TECTA: variants seen among roughly 807,000 people sequenced by gnomAD.
TECTA encodes alpha-tectorin.
Under a neutral mutation model 216.8 loss-of-function variants are expected in TECTA, and 128 were observed. The ratio of observed to expected loss-of-function variants is 0.59; its 90% confidence interval spans 0.51 to 0.68. TECTA has a LOEUF of 0.68. Ranked by LOEUF, TECTA falls within the 30% of genes least tolerant of loss-of-function variation. The probability of loss-of-function intolerance (pLI) is 0.00; values close to 1 mark genes in which losing one functional copy is unlikely to be tolerated. For missense variants in TECTA, 2,551 were observed against 2,786.2 expected, an observed-to-expected ratio of 0.92 and a Z score of 1.90; for synonymous variants, 1,089 against 1,117.1, an observed-to-expected ratio of 0.97 and a Z score of 0.50.
At chr11:121,130,520 A>G (rs1056106081) in intron 10 of TECTA, among the ~76,000 whole-genome samples, 1 of 152,122 alleles carries the variant, frequency 6.6e-6, no homozygotes, top group African/African-American at 2.4e-5. Flanking sequence ...AATCTTTGTG[A>G]TGGCTCTGTA....
chr11:121,176,387 T>G (rs1471020335), intron 20 of TECTA, among the ~76,000 whole-genome samples: 1 of 147,334 alleles, frequency 6.8e-6, no homozygotes, highest in African/African-American at 2.5e-5. Context: ...GGCCTGGTGG[T>G]GACAAAATCT....
chr11:121,129,073 G>C (rs985347314), intron 9 of TECTA, among the ~76,000 whole-genome samples: 7 of 152,198 alleles, frequency 4.6e-5, no homozygotes. Flanking sequence ...AGCCAACACA[G>C]TACTGCCCAA....
intron 2 of TECTA, among the ~76,000 whole-genome samples, chr11:121,103,088 G>T (rs543255970): frequency 1.3e-5 from 2 of 152,272 alleles, no homozygotes; most frequent in East Asian, 3.9e-4. Context: ...TTAATTTGTG[G>T]TGGAGACTTT....
At chr11:121,171,952 T>C (rs1470166440) in intron 20 of TECTA, among the ~76,000 whole-genome samples, 2 of 152,134 alleles carry the variant, frequency 1.3e-5, no homozygotes, top group African/African-American at 4.8e-5. Context: ...ACTATGTTAA[T>C]AGGAATGATG....
Position 121,160,408 on chromosome 11 carries a change from G to C in TECTA, c.4963G>C (p.Gly1655Arg). ...VVLAQSWKTNGMQKRPLAPSC... is the reference protein window; with the variant it reads ...VVLAQSWKTNRMQKRPLAPSC... ...GCTGGCCCAGAGCTGGAAAACCAATGGCATGCAGAAGAGGTGAGGGTGTAG... is the reference window on the plus strand; with the variant it reads ...GCTGGCCCAGAGCTGGAAAACCAATCGCATGCAGAAGAGGTGAGGGTGTAG... Residue 1655 changes from glycine (G) to arginine (R), a missense_variant, in exon 15 of 24, where the codon GGC becomes CGC. By Grantham distance (125) the Gly-to-Arg change is moderately radical. Around this residue, in one of 3 missense-constraint regions of TECTA, gnomAD observed 2,375 missense variants for 2,563.9 expected, o/e 0.93. Coordinates refer to ENST00000392793, the MANE Select transcript of TECTA (RefSeq NM_005422.4). 1 of 1,611,534 alleles carries C rather than the reference G, an allele frequency of 6.2e-7. No individual in the cohort carries two copies. The highest frequency in any genetic ancestry group is 8.5e-7 in the Non-Finnish European group (1 of 1,179,870).
rs2135059056 is a variant in TECTA at position 121,113,002 on chromosome 11, G to A, written c.487-70G>A. The A allele has an allele frequency of 6.2e-7, 1 of 1,601,456 alleles. No individual in the cohort carries two copies. Among genetic ancestry groups the A allele is most frequent in the African/African-American group, 1.3e-5 (1 of 74,852 alleles). On this transcript the variant is annotated intron_variant, in intron 4 of 23. Coordinates refer to ENST00000392793, the MANE Select transcript of TECTA (RefSeq NM_005422.4). The surrounding 1 kb of genome is among the most constrained non-coding windows in gnomAD (Gnocchi z 4.2). Reference sequence around the variant, plus strand: ...TGGGTGGGGAGGGCGCAGGGTGAAGGGAGGACCTCCTTGGGGCCAGGACCT... The same window carrying A: ...TGGGTGGGGAGGGCGCAGGGTGAAGAGAGGACCTCCTTGGGGCCAGGACCT...
Position 121,166,773 on chromosome 11 carries a change from T to C in TECTA, c.5579T>C (p.Ile1860Thr). The change falls in exon 18 of 24, where the codon ATT becomes ACT. Residue 1860 changes from isoleucine (I) to threonine (T), a missense_variant. Ile to Thr is a moderately conservative substitution (Grantham distance 89, BLOSUM62 -1). Coordinates refer to ENST00000392793, the MANE Select transcript of TECTA (RefSeq NM_005422.4). ...AACACCAAAGGGAATTGTGGAAACA[T>C]TGTGCAGGTGAGAAAAGCAGCAGGA... The part of the protein sequence containing the change: ...INNTKGNCGN[I>T]VQSNGTHIMY... 1 of 1,613,900 alleles carries C rather than the reference T, an allele frequency of 6.2e-7. No individual in the cohort carries two copies. Among genetic ancestry groups the C allele is most frequent in the South Asian group, 1.1e-5 (1 of 91,070 alleles).
At chr11:121,134,325 C>CCACACACACACACACACACACACA (rs6144537) in intron 10 of TECTA, among the ~76,000 whole-genome samples, 1,796 of 146,934 alleles carry the variant, frequency 0.012, 22 homozygotes, top group Non-Finnish European at 0.02. Flanking sequence ...AAAACCAACA[C>CCACACACACACACACACACACACA]CACACACACA....
intron 2 of TECTA, among the ~76,000 whole-genome samples, chr11:121,103,583 A>G (rs906421157): frequency 4.7e-5 from 7 of 150,292 alleles, no homozygotes; most frequent in South Asian, 2.1e-4. Flanking sequence ...ATTTGGTGGG[A>G]AAAAAAAAAT....
Position 121,159,943 on chromosome 11 carries a change from C to T in TECTA, c.4690-192C>T, listed in dbSNP as rs569999262. Among the ~76,000 whole-genome samples, 6 of 152,316 alleles carry T rather than the reference C, an allele frequency of 3.9e-5. No individual in the cohort carries two copies. In the South Asian group the frequency reaches 1.0e-3, roughly 26 times the overall value. On this transcript the variant is annotated intron_variant, in intron 14 of 23. Coordinates refer to ENST00000392793, the MANE Select transcript of TECTA (RefSeq NM_005422.4). ...GCCTGTTTGTGTAAATAAAGCTTTG[C>T]TGGAACACAGCCACACTCATTTAGT...
At chr11:121,151,608 A>C (rs531911466) in intron 12 of TECTA, among the ~76,000 whole-genome samples, 9 of 152,220 alleles carry the variant, frequency 5.9e-5, no homozygotes, top group Non-Finnish European at 1.3e-4. Context: ...ATAGTTTGCT[A>C]TCGGAGGTTG....
At chr11:121,150,233 G>T (rs1165233671) in intron 12 of TECTA, among the ~76,000 whole-genome samples, 1 of 152,230 alleles carries the variant, frequency 6.6e-6, no homozygotes, top group Non-Finnish European at 1.5e-5. Context: ...GTATGGTAAA[G>T]CTGGCATTTC....
intron 4 of TECTA, among the ~76,000 whole-genome samples, 168 bp from the exon 5 acceptor site, chr11:121,112,904 A>G (rs188392007): frequency 2.2e-4 from 34 of 152,324 alleles, no homozygotes; most frequent in African/African-American, 7.7e-4. Flanking sequence ...GCTTTTCCCA[A>G]CGGAGGCGAG....
intron 10 of TECTA, among the ~76,000 whole-genome samples, 180 bp downstream of exon 10, chr11:121,130,391 T>C (rs887454066): frequency 1.3e-4 from 20 of 152,130 alleles, no homozygotes; most frequent in Non-Finnish European, 2.9e-5. Context: ...CCGGAGAGCC[T>C]CTCATCTTTA....
rs114848608 is a variant in TECTA at position 121,125,404 on chromosome 11, T to G, written c.1306T>G (p.Leu436Val). The part of the protein sequence containing the change: ...STAVETDFGL[L>V]VTFDGQHYAS... ...TGCCGTGGAAACAGATTTTGGGCTC[T>G]TAGTGACTTTTGATGGCCAGCACTA... Residue 436 changes from leucine to valine, a missense_variant, in exon 8 of 24, where the codon TTA (leucine) becomes GTA (valine). This residue lies in a region of TECTA where 2,375 missense variants were observed against 2,563.9 expected (regional missense o/e 0.93). Coordinates refer to ENST00000392793, the MANE Select transcript of TECTA (RefSeq NM_005422.4). 3.1e-6 allele frequency: 5 copies of G among 1,614,252 alleles called. No individual in the cohort carries two copies. The highest frequency in any genetic ancestry group is 2.5e-6 in the Non-Finnish European group (3 of 1,180,048).
rs535440644 is a variant in TECTA, at chr11:121,146,021, C to G, written c.4010C>G (p.Ala1337Gly). 3.7e-6 allele frequency: 6 copies of G among 1,613,898 alleles called. No individual in the cohort carries two copies. Among genetic ancestry groups the G allele is most frequent in the Non-Finnish European group, 5.1e-6 (6 of 1,180,050 alleles). ...TTTGACTCTTGCATCGATGGGGGCG[C>G]GGTGCAGACCGCCTGCAGCTGGCTG... ...CLFDSCIDGG[A>G]VQTACSWLQN... Residue 1337 changes from alanine (A) to glycine (G), a missense_variant, in exon 12 of 24, where the codon GCG becomes GGG. Coordinates refer to ENST00000392793, the MANE Select transcript of TECTA (RefSeq NM_005422.4).
chr11:121,186,396 G>A (rs748227418), intron 20 of TECTA, among the ~76,000 whole-genome samples: 2 of 152,170 alleles, frequency 1.3e-5, no homozygotes, highest in Non-Finnish European at 2.9e-5. Flanking sequence ...CTAGTGCTTG[G>A]CGTCTGTGCT....
Position 121,113,130 on chromosome 11 carries a change from AT to A in TECTA, c.547del (p.Tyr183IlefsTer17). On this transcript the variant is annotated frameshift_variant, in exon 5 of 24. Transcript: ENST00000392793. LOFTEE classifies it high-confidence loss of function. The surrounding 1 kb of genome is among the most constrained non-coding windows in gnomAD (Gnocchi z 4.2). ...SDGSYTFTLF[N>X]YYEINWTTGT... Reference sequence around the variant, plus strand: ...GGCTCCTATACATTCACCCTCTTCAATTATTACGAAATCAACTGGACCACGG... The same window carrying A: ...GGCTCCTATACATTCACCCTCTTCAATATTACGAAATCAACTGGACCACGG... The A allele has an allele frequency of 6.2e-7, 1 of 1,613,910 alleles. No individual in the cohort carries two copies. The highest frequency in any genetic ancestry group is 8.5e-7 in the Non-Finnish European group (1 of 1,179,986).
In TECTA at chr11:121,145,944, C is replaced by A; in HGVS notation, c.3933C>A (p.Phe1311Leu). 1 of 1,614,272 alleles carries A rather than the reference C, an allele frequency of 6.2e-7. No homozygotes were observed. Among genetic ancestry groups the A allele is most frequent in the Non-Finnish European group, 8.5e-7 (1 of 1,180,048 alleles). Reference sequence around the variant, plus strand: ...TGATCCCCAACCAGAACGCTGCCTTCTCCAAGTGTCACAGCAAAGTTAACC... The same window carrying A: ...TGATCCCCAACCAGAACGCTGCCTTATCCAAGTGTCACAGCAAAGTTAACC... The part of the protein sequence containing the change: ...CSLIPNQNAA[F>L]SKCHSKVNPT... Residue 1311 changes from phenylalanine (F) to leucine (L), a missense_variant, in exon 12 of 24, where the codon TTC becomes TTA. Around this residue, in one of 3 missense-constraint regions of TECTA, gnomAD observed 2,375 missense variants for 2,563.9 expected, o/e 0.93. Transcript: ENST00000392793.
Sources: allele counts gnomAD v4.1 joint callset (sites outside exome capture counted in the v4.1 genomes callset), GRCh38; gene constraint gnomAD v4.1.1; regional missense constraint gnomAD v4.1.1; non-coding constraint Gnocchi (gnomAD v3.1); transcripts MANE v1.5; gene names NCBI Gene and HGNC (gene_info 2026-07-23, HGNC 2026-07-21).